Variants in SORCS3 observed in about 807,000 individuals in gnomAD.
SORCS3 encodes sortilin related VPS10 domain containing receptor 3, also known as VPS10 domain-containing receptor SorCS3.
In SORCS3, 57 loss-of-function variants were observed where a neutral mutation model predicts 146.3. That is an observed-to-expected ratio of 0.39 (90% CI 0.31 to 0.49). SORCS3 has a LOEUF of 0.49. Among genes scored for constraint, SORCS3 ranks in the 20% least tolerant of loss-of-function variants. SORCS3 has a pLI of 0.92. For synonymous variants in SORCS3, 653 were observed against 618.5 expected, an observed-to-expected ratio of 1.06 and a Z score of -0.83; for missense variants, 1,341 against 1,575.5, an observed-to-expected ratio of 0.85 and a Z score of 2.52.
intron 1 of SORCS3, among the ~76,000 whole-genome samples, chr10:104,695,425 A>G (rs543004793): frequency 6.6e-6 from 1 of 151,862 alleles, no homozygotes; most frequent in South Asian, 2.1e-4. Context: ...AGGATCTAGT[A>G]TACCATTTAA....
At chr10:104,706,201 C>CTTTTTTTT (rs1162969172) in intron 1 of SORCS3, among the ~76,000 whole-genome samples, 43 of 85,866 alleles carry the variant, frequency 5.0e-4, no homozygotes, top group African/African-American at 1.0e-3. Flanking sequence ...TTTTCTTCTT[C>CTTTTTTTT]TTTTTTTTTT....
At chr10:104,815,621 G>A (rs905427495) in intron 1 of SORCS3, among the ~76,000 whole-genome samples, 1 of 151,912 alleles carries the variant, frequency 6.6e-6, no homozygotes, top group Admixed American at 6.6e-5. Context: ...TTGTGCACAT[G>A]GGAAATGCAC....
At chr10:104,712,412 C>G (rs925891492) in intron 1 of SORCS3, among the ~76,000 whole-genome samples, 1 of 152,206 alleles carries the variant, frequency 6.6e-6, no homozygotes, top group Non-Finnish European at 1.5e-5. Context: ...CAAAGACAAG[C>G]TTGAGTGAAA....
chr10:104,812,158 C>T (rs975056241), intron 1 of SORCS3, among the ~76,000 whole-genome samples: 4 of 152,156 alleles, frequency 2.6e-5, no homozygotes, highest in Admixed American at 1.3e-4. Flanking sequence ...TCAGTGGTAG[C>T]GCACCTAGAA....
intron 1 of SORCS3, among the ~76,000 whole-genome samples, chr10:104,671,415 A>G (rs1267345972): frequency 7.8e-6 from 1 of 127,662 alleles, no homozygotes; most frequent in African/African-American, 2.9e-5. Context: ...GCTCATTGCA[A>G]CCTCTGCCTT....
At chr10:104,757,696 C>G (rs1045304672) in intron 1 of SORCS3, among the ~76,000 whole-genome samples, 10 of 152,046 alleles carry the variant, frequency 6.6e-5, no homozygotes, top group African/African-American at 2.4e-4. Context: ...TGAACTTTCT[C>G]TTCATTTTTT....
intron 3 of SORCS3, 42 bp downstream of exon 3, chr10:104,915,974 T>A: frequency 6.8e-7 from 1 of 1,475,000 alleles, no homozygotes; most frequent in South Asian, 1.1e-5. Context: ...TCCTGCTGGG[T>A]AGCTGTGCTG....
Position 104,816,786 on chromosome 10 carries a change from A to G in SORCS3, c.628-26006A>G, listed in dbSNP as rs560322988. Among the ~76,000 whole-genome samples the G allele has an allele frequency of 7.2e-5, 11 of 152,308 alleles. No homozygotes were observed. In the South Asian group the frequency reaches 2.3e-3, roughly 32 times the overall value. ...GAGCCTGAGCTTCCTCAGCTGAATC[A>G]TTGGAAACAAAACCTAGCTTGCAGA... On this transcript the variant is annotated intron_variant, in intron 1 of 26. Coordinates refer to ENST00000369701, the MANE Select transcript of SORCS3 (RefSeq NM_014978.3).
intron 2 of SORCS3, among the ~76,000 whole-genome samples, chr10:104,893,459 G>T (rs1346995717): frequency 6.6e-6 from 1 of 152,170 alleles, no homozygotes; most frequent in East Asian, 1.9e-4. Context: ...GGTAATCAGA[G>T]CAAGGTAAGG....
intron 5 of SORCS3, among the ~76,000 whole-genome samples, chr10:105,051,937 T>C (rs780006313): frequency 7.9e-5 from 12 of 152,100 alleles, no homozygotes; most frequent in Non-Finnish European, 1.5e-4. Context: ...ACTTTGCTGA[T>C]GGGGGCTACC....
chr10:105,214,365 A>AAC (rs34307677), intron 17 of SORCS3, 77 bp from the exon 18 acceptor site: 16,589 of 1,430,008 alleles, frequency 0.012, 186 homozygotes, highest in African/African-American at 0.074. Context: ...TTCCCTTTAT[A>AAC]ACACACACAC....
At chr10:105,060,172 T>A (rs1464133738) in intron 5 of SORCS3, among the ~76,000 whole-genome samples, 2 of 152,134 alleles carry the variant, frequency 1.3e-5, no homozygotes, top group East Asian at 3.9e-4. Flanking sequence ...TGGTTTCAAT[T>A]TCAACAGGCA....
intron 4 of SORCS3, among the ~76,000 whole-genome samples, chr10:105,040,313 G>T (rs114138602): frequency 2.6e-5 from 4 of 152,098 alleles, no homozygotes; most frequent in African/African-American, 7.2e-5. Flanking sequence ...AGGGATAGAA[G>T]GAGAGACAGG....
At chr10:104,671,011 C>A (rs1442959832) in intron 1 of SORCS3, among the ~76,000 whole-genome samples, 1 of 151,748 alleles carries the variant, frequency 6.6e-6, no homozygotes, top group African/African-American at 2.4e-5. Flanking sequence ...TGTCTGTATC[C>A]TGCTACTTTG....
chr10:105,245,043 T>C (rs1322464005), intron 20 of SORCS3, among the ~76,000 whole-genome samples: 1 of 124,024 alleles, frequency 8.1e-6, no homozygotes, highest in Non-Finnish European at 1.6e-5. Flanking sequence ...CACTGCAGCC[T>C]GGGCGGCAGA....
At chr10:105,171,880 G>A (rs1250509568) in intron 13 of SORCS3, among the ~76,000 whole-genome samples, 1 of 152,090 alleles carries the variant, frequency 6.6e-6, no homozygotes, top group Non-Finnish European at 1.5e-5. Context: ...GTAGGAAAAG[G>A]TCTTATAGAA....
intron 7 of SORCS3, among the ~76,000 whole-genome samples, chr10:105,128,624 C>T (rs942359569): frequency 1.3e-5 from 2 of 152,198 alleles, no homozygotes; most frequent in Non-Finnish European, 2.9e-5. Flanking sequence ...CTGTGGCCAT[C>T]ATTTTCTGCT....
chr10:104,703,176 A>C (rs2016300367), intron 1 of SORCS3, among the ~76,000 whole-genome samples: 1 of 152,220 alleles, frequency 6.6e-6, no homozygotes, highest in South Asian at 2.1e-4. Context: ...GTTGGATGGC[A>C]GTTTAGATAA....
intron 1 of SORCS3, among the ~76,000 whole-genome samples, chr10:104,780,138 T>C (rs1218294506): frequency 1.4e-4 from 1 of 7,154 alleles, no homozygotes. Context: ...GAGGAGGCAG[T>C]TTTTTTTTTT....
Sources: gnomAD v4.1 joint callset for allele counts (sites outside exome capture counted in the v4.1 genomes callset) on GRCh38, gnomAD v4.1.1 for gene constraint, MANE v1.5 for transcripts, NCBI Gene and HGNC (gene_info 2026-07-23, HGNC 2026-07-21) for gene names.